Variants in HDAC9 observed in about 807,000 individuals in gnomAD.
The protein encoded by HDAC9 is MEF-2 interacting transcription repressor (MITR) protein.
In HDAC9, 41 loss-of-function variants were observed where a neutral mutation model predicts 139.4. The ratio of observed to expected loss-of-function variants is 0.29; its 90% CI spans 0.23 to 0.38. The LOEUF is 0.38. Among genes scored for constraint, HDAC9 ranks in the 10% least tolerant of loss-of-function variants. The pLI is 1.00. For synonymous variants in HDAC9, 517 were observed against 476.2 expected, an observed-to-expected ratio of 1.09 and a Z score of -1.12; for missense variants, 1,147 against 1,297.0, an observed-to-expected ratio of 0.88 and a Z score of 1.78.
intron 1 of HDAC9, among the ~76,000 whole-genome samples, chr7:18,443,295 G>T (rs974528909): frequency 1.3e-5 from 2 of 151,916 alleles, no homozygotes; most frequent in African/African-American, 4.8e-5. Context: ...ACATGATTGG[G>T]GAAAATTATC....
Position 18,370,113 on chromosome 7 carries a change from G to A in HDAC9, c.-42+79598G>A, listed in dbSNP as rs996527281. Among the ~76,000 whole-genome samples, 3 of 152,068 alleles carry A rather than the reference G, an allele frequency of 2.0e-5. 1 individual carries two copies. Among genetic ancestry groups the A allele is most frequent in the South Asian group, 2.1e-4 (1 of 4,836 alleles). On this transcript the variant is annotated intron_variant, in intron 1 of 3. Coordinates refer to the HDAC9 transcript ENST00000413509. ...AGTATGAATTTTAAATGAATGGAGCGCAGGCTATTAAGAAAGTAAATTTAT... is the reference window on the plus strand; with the variant it reads ...AGTATGAATTTTAAATGAATGGAGCACAGGCTATTAAGAAAGTAAATTTAT...
intron 6 of HDAC9, among the ~76,000 whole-genome samples, chr7:18,619,857 A>G (rs1192296352): frequency 6.6e-6 from 1 of 152,156 alleles, no homozygotes; most frequent in Non-Finnish European, 1.5e-5. Flanking sequence ...CTCTGCATAG[A>G]ACTGCACTTC....
chr7:18,220,596 C>T (rs558994190), intron 2 of HDAC9, among the ~76,000 whole-genome samples: 1 of 152,168 alleles, frequency 6.6e-6, no homozygotes, highest in African/African-American at 2.4e-5. Flanking sequence ...AGACAGATAA[C>T]CATGTAGTGT....
intron 21 of HDAC9, among the ~76,000 whole-genome samples, chr7:18,842,127 A>C (rs1384033976): frequency 6.6e-6 from 1 of 152,166 alleles, no homozygotes; most frequent in Non-Finnish European, 1.5e-5. Context: ...TTAATTTGTC[A>C]ATGAGAGCTG....
At chr7:18,736,936 T>A (rs1786970261) in intron 13 of HDAC9, among the ~76,000 whole-genome samples, 1 of 152,328 alleles carries the variant, frequency 6.6e-6, no homozygotes, top group Non-Finnish European at 1.5e-5. Flanking sequence ...TGTTCATAGA[T>A]TCAACTTCTT....
At chr7:18,534,735 C>A (rs1279628592) in intron 2 of HDAC9, among the ~76,000 whole-genome samples, 1 of 152,192 alleles carries the variant, frequency 6.6e-6, no homozygotes, top group Non-Finnish European at 1.5e-5. Context: ...GCACTCGATC[C>A]ACCACTGTGC....
intron 2 of HDAC9, among the ~76,000 whole-genome samples, chr7:18,546,468 G>A (rs949839793): frequency 1.3e-5 from 2 of 152,126 alleles, no homozygotes; most frequent in African/African-American, 4.8e-5. Flanking sequence ...CTATCACAGT[G>A]CTTGACACAA....
intron 25 of HDAC9, among the ~76,000 whole-genome samples, chr7:18,989,948 C>T (rs1325880642): frequency 6.6e-6 from 1 of 151,752 alleles, no homozygotes; most frequent in East Asian, 1.9e-4. Context: ...TCTAGTTATA[C>T]ATTCTTCTAA....
At chr7:18,826,793 T>C (rs1264113645) in intron 17 of HDAC9, among the ~76,000 whole-genome samples, 7 of 152,028 alleles carry the variant, frequency 4.6e-5, no homozygotes, top group Non-Finnish European at 1.0e-4. Context: ...TTCTTCTTTG[T>C]TGTCATGCTT....
At chr7:18,627,062 C>T (rs1465002249) in intron 6 of HDAC9, among the ~76,000 whole-genome samples, 1 of 152,160 alleles carries the variant, frequency 6.6e-6, no homozygotes, top group Non-Finnish European at 1.5e-5. Flanking sequence ...CAGATCTTCA[C>T]AGTTATTCTC....
chr7:18,368,767 T>C (rs1784375630), intron 1 of HDAC9, among the ~76,000 whole-genome samples: 1 of 141,872 alleles, frequency 7.0e-6, no homozygotes, highest in Non-Finnish European at 1.6e-5. Flanking sequence ...CAAAATGGAA[T>C]ACAGAAATTC....
chr7:18,435,491 A>C (rs1178209560), intron 1 of HDAC9, among the ~76,000 whole-genome samples: 1 of 152,202 alleles, frequency 6.6e-6, no homozygotes, highest in Non-Finnish European at 1.5e-5. Flanking sequence ...TAGTAGCAAA[A>C]CTTTCGAGAG....
At chr7:18,857,004 G>A (rs897321972) in intron 21 of HDAC9, among the ~76,000 whole-genome samples, 1 of 151,990 alleles carries the variant, frequency 6.6e-6, no homozygotes, top group Non-Finnish European at 1.5e-5. Context: ...CTACCTCTCA[G>A]CTTTATCTTT....
At chr7:18,213,256 AT>A (rs1792074543) in intron 2 of HDAC9, among the ~76,000 whole-genome samples, 1 of 152,182 alleles carries the variant, frequency 6.6e-6, no homozygotes, top group Non-Finnish European at 1.5e-5. Context: ...TCAATTTGGC[AT>A]TTAGAGAATG....
At chr7:18,641,358 T>C (rs1037384196) in intron 8 of HDAC9, among the ~76,000 whole-genome samples, 1 of 152,158 alleles carries the variant, frequency 6.6e-6, no homozygotes, top group East Asian at 1.9e-4. Flanking sequence ...CCCAACATAA[T>C]GCTCCTTCCT....
intron 19 of HDAC9, among the ~76,000 whole-genome samples, chr7:18,830,293 G>T (rs73312683): frequency 6.6e-6 from 1 of 152,158 alleles, no homozygotes; most frequent in Admixed American, 6.5e-5. Flanking sequence ...TATGAGCCCC[G>T]TTTTCAGTTT....
At chr7:18,499,469 G>A (rs1797802920) in intron 2 of HDAC9, among the ~76,000 whole-genome samples, 2 of 152,054 alleles carry the variant, frequency 1.3e-5, no homozygotes, top group Non-Finnish European at 1.5e-5. Flanking sequence ...AGAATTCAGT[G>A]TGAGTGACAC....
At chr7:18,725,336 AATG>A (rs1785458535) in intron 12 of HDAC9, among the ~76,000 whole-genome samples, 1 of 152,182 alleles carries the variant, frequency 6.6e-6, no homozygotes, top group Non-Finnish European at 1.5e-5. Flanking sequence ...CAGCCCTCGG[AATG>A]ATATCTGATA....
intron 13 of HDAC9, among the ~76,000 whole-genome samples, chr7:18,729,248 A>C (rs1314660599): frequency 6.6e-6 from 1 of 152,002 alleles, no homozygotes; most frequent in African/African-American, 2.4e-5. Context: ...ATTCTATCAA[A>C]ATAACTGTTT....
Sources: allele counts gnomAD v4.1 joint callset (sites outside exome capture counted in the v4.1 genomes callset), GRCh38; gene constraint gnomAD v4.1.1; transcripts MANE v1.5; gene names NCBI Gene and HGNC (gene_info 2026-07-23, HGNC 2026-07-21).